MAGED1: variants seen among roughly 807,000 people sequenced by gnomAD.
The protein encoded by MAGED1 is MAGE family member D1.
In MAGED1, 3 loss-of-function variants were observed where a neutral mutation model predicts 54.1. The ratio of observed to expected loss-of-function variants is 0.06; its 90% CI spans 0.03 to 0.14. The LOEUF (loss-of-function observed/expected upper bound fraction) is 0.14. Among genes scored for constraint, MAGED1 ranks in the 10% least tolerant of loss-of-function variants. MAGED1 has a pLI of 1.00. For missense variants in MAGED1, 485 were observed against 623.4 expected, an observed-to-expected ratio of 0.78 and a Z score of 2.36; for synonymous variants, 217 against 227.3, an observed-to-expected ratio of 0.95 and a Z score of 0.41.
chrX:51,872,103 G>A (rs781914047), intron 1 of MAGED1, among the ~76,000 whole-genome samples: 8 of 111,496 alleles, frequency 7.2e-5, no homozygotes, highest in East Asian at 5.7e-4. Flanking sequence ...CATATCCTTC[G>A]CCCACTTTTT....
At position 51,827,577 on chromosome X, in the gene MAGED1, A is replaced by G. The variant is rs560517993; in HGVS notation, c.-37+24460A>G. Among the ~76,000 whole-genome samples, 10 of 112,207 alleles carry G rather than the reference A, an allele frequency of 8.9e-5. No individual in the cohort carries two copies. In the South Asian group the frequency reaches 3.0e-3, roughly 34 times the overall value. ...ATATGTCAATATAGGTCCATCAATT[A>G]TAACAAATATACATACCCTTCTGGT... On this transcript the variant is annotated intron_variant, in intron 1 of 12. Coordinates refer to the MAGED1 transcript ENST00000375772.
At chrX:51,825,640 C>T (rs1925828068) in intron 1 of MAGED1, among the ~76,000 whole-genome samples, 1 of 111,799 alleles carries the variant, frequency 8.9e-6, no homozygotes, top group Admixed American at 9.5e-5. Flanking sequence ...GCATGCAACA[C>T]TTAGCCAGGC....
At position 51,902,191 on chromosome X, in the gene MAGED1, GC is replaced by G. The variant is rs1929060008; in HGVS notation, c.*56del. ...AGTCTTTCCCCTGTGTGAGGCTGAA[GC>G]CTCAGATTCCTTCTAAACACAGCTA... is the stretch of plus-strand genomic sequence containing the variant. On this transcript the variant is annotated 3_prime_UTR_variant, in exon 13 of 13. Transcript: ENST00000326587. 3.6e-6 allele frequency: 1 copy of G among 275,763 alleles called. No individual in the cohort carries two copies. The highest frequency in any genetic ancestry group is 2.8e-5 in the African/African-American group (1 of 36,283). The allele number at this position is 275,763 out of a possible 1,213,427, so 22.7% of individuals were successfully genotyped here. A position where few individuals can be genotyped will look rare whatever the true frequency, so the allele number is the denominator to read the frequency against.
chrX:51,820,744 A>G (rs1375809962), intron 1 of MAGED1, among the ~76,000 whole-genome samples: 2 of 111,934 alleles, frequency 1.8e-5, no homozygotes, highest in Admixed American at 9.5e-5. Context: ...AACATTTATC[A>G]TTTCCTTGTG....
intron 1 of MAGED1, among the ~76,000 whole-genome samples, chrX:51,834,424 T>C (rs1461111294): frequency 8.9e-6 from 1 of 112,045 alleles, no homozygotes; most frequent in Non-Finnish European, 1.9e-5. Context: ...AAAGCCTCAT[T>C]ATGTGAGTAA....
At chrX:51,845,935 C>A (rs1926672780) in intron 1 of MAGED1, among the ~76,000 whole-genome samples, 1 of 110,405 alleles carries the variant, frequency 9.1e-6, no homozygotes, top group Admixed American at 9.7e-5. Context: ...ACCACCACGC[C>A]CGGGTAATTT....
intron 1 of MAGED1, among the ~76,000 whole-genome samples, chrX:51,881,446 G>A (rs1314687746): frequency 3.9e-5 from 4 of 102,125 alleles, no homozygotes; most frequent in African/African-American, 1.4e-4. Context: ...ATGGAGTTTC[G>A]CTCTCGTTGC....
At chrX:51,848,206 C>T (rs990917786) in intron 1 of MAGED1, among the ~76,000 whole-genome samples, 8 of 111,390 alleles carry the variant, frequency 7.2e-5, no homozygotes, top group Non-Finnish European at 1.9e-5. Context: ...CATCCTCTTC[C>T]TATTGTGTTG....
intron 1 of MAGED1, among the ~76,000 whole-genome samples, chrX:51,845,165 C>T (rs782351888): frequency 4.5e-5 from 5 of 111,302 alleles, no homozygotes; most frequent in South Asian, 3.8e-4. Flanking sequence ...GCAGGAGAAT[C>T]GCTTGAACCC....
At chrX:51,828,794 C>G (rs781872472) in intron 1 of MAGED1, among the ~76,000 whole-genome samples, 2 of 110,763 alleles carry the variant, frequency 1.8e-5, no homozygotes, top group Admixed American at 1.9e-4. Flanking sequence ...AAAAAGAAAA[C>G]AGGTGAAATT....
chrX:51,894,165 C>T (rs1192641051), intron 1 of MAGED1, 104 bp from the exon 2 acceptor site: 23 of 484,159 alleles, frequency 4.8e-5, no homozygotes, highest in Non-Finnish European at 7.4e-5. Context: ...TTCCTCCTCA[C>T]ATTCACCTTA....
At chrX:51,830,712 G>A (rs782536004) in intron 1 of MAGED1, among the ~76,000 whole-genome samples, 2 of 111,429 alleles carry the variant, frequency 1.8e-5, no homozygotes, top group East Asian at 5.6e-4. Context: ...GATGATTAAA[G>A]TACCAGGACC....
chrX:51,875,951 A>G (rs1240083971), intron 1 of MAGED1, among the ~76,000 whole-genome samples: 1 of 111,797 alleles, frequency 8.9e-6, no homozygotes, highest in African/African-American at 3.3e-5. Context: ...TTCCAAGACT[A>G]TAGTAAGTGT....
At position 51,864,364 on chromosome X, in the gene MAGED1, G is replaced by A. The variant is rs1927390721; in HGVS notation, c.-36-29905G>A. Reference sequence around the variant, plus strand: ...TGTATATGCATGGATTTGTTTCTGGGCTATTTTATTTATTTGTCTATGTGT... The same window carrying A: ...TGTATATGCATGGATTTGTTTCTGGACTATTTTATTTATTTGTCTATGTGT... On this transcript the variant is annotated intron_variant, in intron 1 of 12. Transcript: ENST00000375772. 3.6e-5 allele frequency among the ~76,000 whole-genome samples: 4 copies of A among 111,519 alleles called. No homozygotes were observed. In the South Asian group the frequency reaches 1.5e-3, roughly 42 times the overall value.
chrX:51,883,391 G>A (rs1928125619), intron 1 of MAGED1, among the ~76,000 whole-genome samples: 1 of 111,496 alleles, frequency 9.0e-6, no homozygotes, highest in Admixed American at 9.5e-5. Context: ...CAAGCAGAGT[G>A]GTACTGGTAA....
intron 1 of MAGED1, among the ~76,000 whole-genome samples, chrX:51,884,370 C>T (rs1214746087): frequency 9.0e-6 from 1 of 111,720 alleles, no homozygotes; most frequent in African/African-American, 3.3e-5. Flanking sequence ...CAAGAAAAGA[C>T]TCATTAACCT....
At chrX:51,820,338 T>A (rs1557356424) in intron 1 of MAGED1, among the ~76,000 whole-genome samples, 1 of 112,154 alleles carries the variant, frequency 8.9e-6, no homozygotes. Flanking sequence ...CAATAGGAAT[T>A]TCAGTGAATC....
At chrX:51,898,523 A>G (rs978093603) in intron 9 of MAGED1, 58 bp from the exon 10 acceptor site, 1 of 1,086,454 alleles carries the variant, frequency 9.2e-7, no homozygotes, top group African/African-American at 1.8e-5. Flanking sequence ...TCTGTTCTGG[A>G]AAGCTCTTTG....
intron 1 of MAGED1, among the ~76,000 whole-genome samples, chrX:51,825,559 A>C (rs1162713258): frequency 8.9e-6 from 1 of 112,071 alleles, no homozygotes; most frequent in Non-Finnish European, 1.9e-5. Context: ...TCATTGGATA[A>C]AGATTTCCTT....
Sources: gnomAD v4.1 joint callset for allele counts (sites outside exome capture counted in the v4.1 genomes callset) on GRCh38, gnomAD v4.1.1 for gene constraint, MANE v1.5 for transcripts, NCBI Gene and HGNC (gene_info 2026-07-23, HGNC 2026-07-21) for gene names.